The following FLNB variants were observed in gnomAD, a reference collection of about 807,000 sequenced individuals.
The protein encoded by FLNB is filamin B.
A neutral mutation model predicts 250.6 loss-of-function variants in FLNB; 111 were observed. That is an observed-to-expected ratio of 0.44 (90% CI 0.38 to 0.52). The LOEUF (loss-of-function observed/expected upper bound fraction) is 0.52, where lower values mean the gene tolerates loss of function less well. Among genes scored for constraint, FLNB ranks in the 20% least tolerant of loss-of-function variants. FLNB has a pLI of 0.00. For missense variants in FLNB, 2,869 were observed against 3,447.8 expected (o/e 0.83, Z 4.20); for synonymous variants, 1,302 against 1,372.1 (o/e 0.95, Z 1.13).
chr3:58,042,903 G>C (rs2097148133), intron 1 of FLNB, among the ~76,000 whole-genome samples: 1 of 152,094 alleles, frequency 6.6e-6, no homozygotes, highest in Non-Finnish European at 1.5e-5. Context: ...ATGTTTGTTT[G>C]TGATGGTTAG....
chr3:58,040,304 G>C (rs2097144233), intron 1 of FLNB, among the ~76,000 whole-genome samples: 1 of 152,034 alleles, frequency 6.6e-6, no homozygotes. Flanking sequence ...AGGGGAGTGT[G>C]AGTAAACAGT....
chr3:58,106,352 C>CTA (rs10540627), intron 11 of FLNB, among the ~76,000 whole-genome samples: 12,056 of 132,794 alleles, frequency 0.091, 722 homozygotes, highest in African/African-American at 0.11. Flanking sequence ...GTATTTAATA[C>CTA]TATATATATA....
At chr3:58,129,925 T>G (rs1361815096) in intron 24 of FLNB, among the ~76,000 whole-genome samples, 1 of 152,208 alleles carries the variant, frequency 6.6e-6, no homozygotes. Context: ...TTAGCACTTC[T>G]CTAGCAAATC....
chr3:58,103,754 C>T (rs1038874562), intron 9 of FLNB, among the ~76,000 whole-genome samples: 8 of 152,190 alleles, frequency 5.3e-5, no homozygotes, highest in East Asian at 1.9e-4. Context: ...TTCCTCATAC[C>T]TTGAAGCAGA....
intron 38 of FLNB, among the ~76,000 whole-genome samples, chr3:58,152,245 G>A (rs769082561): frequency 3.3e-5 from 5 of 152,162 alleles, no homozygotes; most frequent in Admixed American, 6.5e-5. Flanking sequence ...CCTTAATGGA[G>A]GACAGCTCAC....
At chr3:58,020,406 T>C (rs1017799368) in intron 1 of FLNB, among the ~76,000 whole-genome samples, 7 of 152,256 alleles carry the variant, frequency 4.6e-5, no homozygotes, top group African/African-American at 1.7e-4. Context: ...CACAAAGTTG[T>C]GTGAGCCAGA....
chr3:58,106,408 G>A (rs1282248474), intron 11 of FLNB, among the ~76,000 whole-genome samples: 8 of 141,538 alleles, frequency 5.7e-5, no homozygotes, highest in Admixed American at 2.9e-4. Flanking sequence ...CACCTGCCTC[G>A]GCCCTCCCAA....
At chr3:58,090,149 T>G (rs1576698953) in intron 4 of FLNB, among the ~76,000 whole-genome samples, 1 of 46,870 alleles carries the variant, frequency 2.1e-5, no homozygotes. Flanking sequence ...CTTTTAAAAC[T>G]TTTTTTTTTT....
intron 1 of FLNB, among the ~76,000 whole-genome samples, chr3:58,072,954 C>T (rs551756269): frequency 6.6e-6 from 1 of 152,258 alleles, no homozygotes; most frequent in South Asian, 2.1e-4. Context: ...TTAATGATTT[C>T]ATGTTAGGTT....
intron 1 of FLNB, among the ~76,000 whole-genome samples, chr3:58,036,768 T>C (rs1199289224): frequency 6.6e-6 from 1 of 152,114 alleles, no homozygotes; most frequent in Admixed American, 6.6e-5. Flanking sequence ...TTTTTCAGAG[T>C]GAAACCATAA....
Position 58,142,960 on chromosome 3 carries a change from A to G in FLNB, c.5284+208A>G, listed in dbSNP as rs2097329554. 6.6e-6 allele frequency among the ~76,000 whole-genome samples: 1 copy of G among 152,202 alleles called. No homozygotes were observed. The highest frequency in any genetic ancestry group is 2.1e-4 in the South Asian group (1 of 4,820). ...TCTCTGAAGAAGTGGCTCACTGACA[A>G]CTTGCATTACTTTCTTGAGCAGTCC... On this transcript the variant is annotated intron_variant, in intron 31 of 45. Coordinates refer to ENST00000295956, the MANE Select transcript of FLNB (RefSeq NM_001457.4). This position sits in a 1 kb window ranked among gnomAD's most constrained non-coding sequence, Gnocchi z 4.3.
chr3:58,095,428 G>C (rs1377492789), intron 5 of FLNB, among the ~76,000 whole-genome samples: 1 of 152,038 alleles, frequency 6.6e-6, no homozygotes, highest in Non-Finnish European at 1.5e-5. Context: ...GCTAATTTTT[G>C]TATTTTTAGT....
intron 1 of FLNB, among the ~76,000 whole-genome samples, chr3:58,058,405 A>G (rs2097173524): frequency 6.6e-6 from 1 of 152,126 alleles, no homozygotes; most frequent in Non-Finnish European, 1.5e-5. Context: ...CCATCCCTGC[A>G]TCTTCCTACT....
In FLNB at chr3:58,142,612, G is replaced by T; in HGVS notation, c.5182-38G>T. On this transcript the variant is annotated intron_variant, in intron 30 of 45. Coordinates refer to ENST00000295956, the MANE Select transcript of FLNB (RefSeq NM_001457.4). This position sits in a 1 kb window ranked among gnomAD's most constrained non-coding sequence, Gnocchi z 4.3. Reference sequence around the variant, plus strand: ...TGTAGCTTCACCAGCTCCCGCTGTTGTCTGCTTTACCCAGTGACCACTGCC... The same window carrying T: ...TGTAGCTTCACCAGCTCCCGCTGTTTTCTGCTTTACCCAGTGACCACTGCC... The T allele has an allele frequency of 6.4e-7, 1 of 1,551,814 alleles. No individual in the cohort carries two copies. Among genetic ancestry groups the T allele is most frequent in the Non-Finnish European group, 8.9e-7 (1 of 1,123,914 alleles).
At chr3:58,022,879 G>A (rs1191343779) in intron 1 of FLNB, among the ~76,000 whole-genome samples, 5 of 151,522 alleles carry the variant, frequency 3.3e-5, no homozygotes, top group African/African-American at 9.7e-5. Flanking sequence ...GTACAGTGGC[G>A]CAATCTTGGC....
chr3:58,138,572 A>C (rs1200633564), intron 29 of FLNB, 43 bp downstream of exon 29: 1 of 1,612,822 alleles, frequency 6.2e-7, no homozygotes, highest in South Asian at 1.1e-5. Context: ...TATTGGTGGA[A>C]ACTGTAACAG....
At chr3:58,048,008 C>T (rs990778118) in intron 1 of FLNB, among the ~76,000 whole-genome samples, 16 of 152,154 alleles carry the variant, frequency 1.1e-4, no homozygotes. Flanking sequence ...TTCTTCTAAC[C>T]ACAGCGTCAC....
chr3:58,097,252 C>G (rs1421773224), intron 6 of FLNB, among the ~76,000 whole-genome samples: 1 of 152,164 alleles, frequency 6.6e-6, no homozygotes, highest in Non-Finnish European at 1.5e-5. Flanking sequence ...GGAGTAAATG[C>G]TCTTGAAGGG....
intron 1 of FLNB, among the ~76,000 whole-genome samples, chr3:58,053,110 GGTA>G (rs2097165061): frequency 6.6e-6 from 1 of 152,142 alleles, no homozygotes; most frequent in South Asian, 2.1e-4. Context: ...TGTTAACCCA[GGTA>G]GTCTAACCTC....
Sources: gnomAD v4.1 joint callset for allele counts (sites outside exome capture counted in the v4.1 genomes callset) on GRCh38, gnomAD v4.1.1 for gene constraint, Gnocchi (gnomAD v3.1) non-coding constraint, MANE v1.5 for transcripts, NCBI Gene and HGNC (gene_info 2026-07-23, HGNC 2026-07-21) for gene names.